The following PPM1H variants were observed in gnomAD, a reference collection of about 807,000 sequenced individuals.
The protein encoded by PPM1H is protein phosphatase, Mg2+/Mn2+ dependent 1H, also known as protein phosphatase 1H.
A neutral mutation model predicts 54.9 loss-of-function variants in PPM1H; 27 were observed. The ratio of observed to expected loss-of-function variants is 0.49; its 90% CI spans 0.36 to 0.68. PPM1H has a LOEUF of 0.68. Ranked by LOEUF, PPM1H falls within the 30% of genes least tolerant of loss-of-function variation. PPM1H has a pLI of 0.00. For missense variants in PPM1H, 596 were observed against 667.8 expected (o/e 0.89, Z 1.19); for synonymous variants, 305 against 270.8 (o/e 1.13, Z -1.24).
chr12:62,831,773 A>T (rs552626752), intron 2 of PPM1H, among the ~76,000 whole-genome samples: 190 of 149,116 alleles, frequency 1.3e-3, no homozygotes, highest in African/African-American at 4.6e-3. Context: ...ATATATATAC[A>T]CACATATATA....
intron 2 of PPM1H, among the ~76,000 whole-genome samples, chr12:62,809,969 C>G (rs1460455989): frequency 6.6e-6 from 1 of 152,064 alleles, no homozygotes; most frequent in Non-Finnish European, 1.5e-5. Flanking sequence ...TTCCATCAAG[C>G]CTGCTTGGAT....
chr12:62,708,119 C>T (rs973932021), intron 6 of PPM1H, among the ~76,000 whole-genome samples: 6 of 152,380 alleles, frequency 3.9e-5, no homozygotes, highest in Middle Eastern at 3.4e-3. Flanking sequence ...TGAAACACCG[C>T]TGGCATCTTT....
intron 8 of PPM1H, among the ~76,000 whole-genome samples, chr12:62,667,705 G>A (rs1188751659): frequency 1.3e-5 from 2 of 152,198 alleles, no homozygotes; most frequent in African/African-American, 2.4e-5. Flanking sequence ...TATTCATTCA[G>A]CAAACATTTA....
At chr12:62,735,837 AT>A (rs2076346874) in intron 5 of PPM1H, among the ~76,000 whole-genome samples, 2 of 152,244 alleles carry the variant, frequency 1.3e-5, no homozygotes, top group African/African-American at 4.8e-5. Flanking sequence ...AGAAAAGGCC[AT>A]CCAGGCAGAC....
chr12:62,852,461 T>C (rs1325707017), intron 1 of PPM1H, among the ~76,000 whole-genome samples: 1 of 152,138 alleles, frequency 6.6e-6, no homozygotes, highest in Admixed American at 6.5e-5. Context: ...CCTCCGGAAC[T>C]GTGAAAAGTA....
chr12:62,781,957 T>C (rs1447898245), intron 4 of PPM1H, among the ~76,000 whole-genome samples: 1 of 152,078 alleles, frequency 6.6e-6, no homozygotes, highest in African/African-American at 2.4e-5. Flanking sequence ...GGGAGGGGGC[T>C]CTGCAGAAAA....
At chr12:62,903,596 A>G (rs1295716565) in intron 1 of PPM1H, among the ~76,000 whole-genome samples, 1 of 152,198 alleles carries the variant, frequency 6.6e-6, no homozygotes, top group Non-Finnish European at 1.5e-5. Context: ...CTCAGACAGA[A>G]AATCATGGAA....
chr12:62,932,753 G>T (rs1314439728), intron 1 of PPM1H, among the ~76,000 whole-genome samples: 1 of 144,770 alleles, frequency 6.9e-6, no homozygotes, highest in Admixed American at 7.3e-5. Context: ...TCCCGCCTCA[G>T]CCTCCCGAGT....
intron 1 of PPM1H, among the ~76,000 whole-genome samples, chr12:62,852,289 T>C (rs1029974629): frequency 1.4e-4 from 20 of 143,264 alleles, no homozygotes; most frequent in Admixed American, 2.8e-4. Flanking sequence ...GTCATGAAGG[T>C]GGAGCCCTGG....
At chr12:62,777,080 T>G (rs994488026) in intron 4 of PPM1H, among the ~76,000 whole-genome samples, 1 of 152,220 alleles carries the variant, frequency 6.6e-6, no homozygotes, top group Admixed American at 6.5e-5. Context: ...ATTGAAGCAC[T>G]ATTCACAACC....
chr12:62,922,663 AC>A (rs1264287520), intron 1 of PPM1H, among the ~76,000 whole-genome samples: 2 of 152,226 alleles, frequency 1.3e-5, no homozygotes, highest in Non-Finnish European at 2.9e-5. Flanking sequence ...AAATAGTATA[AC>A]AAAGGAAGCA....
intron 1 of PPM1H, among the ~76,000 whole-genome samples, chr12:62,902,376 T>A (rs950172105): frequency 3.0e-4 from 45 of 151,000 alleles, no homozygotes; most frequent in Admixed American, 2.7e-3. Flanking sequence ...ATAATAATAA[T>A]AAAATAAAAA....
At chr12:62,919,566 A>T (rs1315374023) in intron 1 of PPM1H, among the ~76,000 whole-genome samples, 1 of 152,178 alleles carries the variant, frequency 6.6e-6, no homozygotes, top group Non-Finnish European at 1.5e-5. Context: ...TGATTAGGAG[A>T]TATGATGTAT....
At chr12:62,898,001 AAAG>A (rs1278897833) in intron 1 of PPM1H, among the ~76,000 whole-genome samples, 1 of 152,170 alleles carries the variant, frequency 6.6e-6, no homozygotes, top group African/African-American at 2.4e-5. Context: ...CCCTTAGCCT[AAAG>A]AAGCCAGGGT....
At chr12:62,871,878 A>G (rs1870000652) in intron 1 of PPM1H, among the ~76,000 whole-genome samples, 1 of 152,206 alleles carries the variant, frequency 6.6e-6, no homozygotes, top group African/African-American at 2.4e-5. Flanking sequence ...ATTAAAAACA[A>G]AAACAAAAAA....
intron 2 of PPM1H, among the ~76,000 whole-genome samples, chr12:62,809,882 T>G (rs1053792974): frequency 1.7e-4 from 26 of 152,180 alleles, no homozygotes; most frequent in Non-Finnish European, 3.7e-4. Flanking sequence ...CATCATGTTT[T>G]TCTTCTGCGT....
At chr12:62,693,849 T>C (rs1298083425) in intron 7 of PPM1H, 87 bp downstream of exon 7, 1 of 1,183,674 alleles carries the variant, frequency 8.4e-7, no homozygotes, top group Non-Finnish European at 1.2e-6. Context: ...AGCTGCTGAG[T>C]GGAACACACG....
At chr12:62,901,708 A>G (rs1484890489) in intron 1 of PPM1H, among the ~76,000 whole-genome samples, 1 of 152,198 alleles carries the variant, frequency 6.6e-6, no homozygotes, top group African/African-American at 2.4e-5. Context: ...TATACATGAT[A>G]GCCAATTAAT....
chr12:62,900,209 A>T (rs1325691792), intron 1 of PPM1H, among the ~76,000 whole-genome samples: 1 of 152,202 alleles, frequency 6.6e-6, no homozygotes, highest in Admixed American at 6.5e-5. Context: ...CCTCGTTTGG[A>T]TAAGAAGGAA....
Sources: allele counts gnomAD v4.1 joint callset (sites outside exome capture counted in the v4.1 genomes callset), GRCh38; gene constraint gnomAD v4.1.1; transcripts MANE v1.5; gene names NCBI Gene and HGNC (gene_info 2026-07-23, HGNC 2026-07-21).